Variants in DPH6 observed in about 807,000 individuals in gnomAD.
DPH6 encodes the protein diphthine--ammonia ligase.
Under a neutral mutation model 38.2 loss-of-function variants are expected in DPH6, and 33 were observed. That is an observed-to-expected ratio of 0.86 (90% CI 0.65 to 1.15). The LOEUF (loss-of-function observed/expected upper bound fraction) is 1.15. DPH6 is among the 50% of genes most tolerant of loss of function. The pLI is 0.00. For missense variants in DPH6, 325 were observed against 320.0 expected (o/e 1.02, Z -0.12); for synonymous variants, 108 against 103.0 (o/e 1.05, Z -0.30).
chr15:35,529,342 A>G (rs1022494111), intron 3 of DPH6, among the ~76,000 whole-genome samples: 2 of 152,098 alleles, frequency 1.3e-5, no homozygotes, highest in African/African-American at 4.8e-5. Flanking sequence ...GGTGCTAAAC[A>G]CTTTCAAACA....
chr15:35,468,914 G>A (rs1254143458), intron 3 of DPH6, among the ~76,000 whole-genome samples: 3 of 152,000 alleles, frequency 2.0e-5, no homozygotes, highest in Non-Finnish European at 2.9e-5. Flanking sequence ...CTAAAAGTAC[G>A]AAAATTAGCT....
intron 3 of DPH6, among the ~76,000 whole-genome samples, chr15:35,287,307 G>A (rs2051949966): frequency 6.6e-6 from 1 of 152,120 alleles, no homozygotes; most frequent in South Asian, 2.1e-4. Flanking sequence ...TTACAGACAG[G>A]AGGGCAAGTT....
chr15:35,284,801 A>ATT (rs71123127), intron 3 of DPH6, among the ~76,000 whole-genome samples: 7,045 of 79,164 alleles, frequency 0.089, 1,061 homozygotes, highest in East Asian at 0.11. Flanking sequence ...AAGTCTCCAA[A>ATT]TTTTTTTTTT....
chr15:35,233,125 T>G (rs1042768167), intron 3 of DPH6, among the ~76,000 whole-genome samples: 3 of 152,116 alleles, frequency 2.0e-5, no homozygotes, highest in African/African-American at 7.2e-5. Context: ...CTGGCCAATG[T>G]GGTGAAACCC....
At chr15:35,293,296 T>A (rs2051991770) in intron 3 of DPH6, among the ~76,000 whole-genome samples, 1 of 152,238 alleles carries the variant, frequency 6.6e-6, no homozygotes, top group African/African-American at 2.4e-5. Context: ...CTCTTTCTCA[T>A]ATCTCATAAT....
chr15:35,546,038 C>T, intron 1 of DPH6, 81 bp downstream of exon 1: 2 of 1,226,928 alleles, frequency 1.6e-6, no homozygotes, highest in Admixed American at 3.6e-5. Flanking sequence ...ACGGAGACAC[C>T]CACTCTTTCG....
At chr15:35,232,367 G>A (rs967953843) in intron 3 of DPH6, among the ~76,000 whole-genome samples, 1 of 152,112 alleles carries the variant, frequency 6.6e-6, no homozygotes, top group Non-Finnish European at 1.5e-5. Flanking sequence ...GGATCATGAG[G>A]TCAGGAGTTC....
intron 3 of DPH6, among the ~76,000 whole-genome samples, chr15:35,461,355 G>T (rs2054064968): frequency 6.6e-6 from 1 of 152,202 alleles, no homozygotes; most frequent in African/African-American, 2.4e-5. Context: ...TTACAGGCAT[G>T]AGCTACTGTA....
rs549565759 is a variant in DPH6, at chr15:35,525,031, C to T, written c.312+13243G>A. Among the ~76,000 whole-genome samples the T allele has an allele frequency of 5.9e-4, 90 of 152,144 alleles. 1 individual carries two copies. Among genetic ancestry groups the T allele is most frequent in the African/African-American group, 2.0e-3 (84 of 41,486 alleles). On this transcript the variant is annotated intron_variant, in intron 3 of 8. Transcript: ENST00000256538. The stretch of plus-strand genomic sequence containing the variant: ...TGAATACTTCTTATGGACAGGGCAC[C>T]ATGATGAGCACTGAAGAGTATTCAA...
chr15:35,193,267 G>A, the DPH6 span, among the ~76,000 whole-genome samples: 1 of 151,836 alleles, frequency 6.6e-6, no homozygotes, highest in East Asian at 1.9e-4. Flanking sequence ...GAGAGAGAGG[G>A]ACATTAACTA....
chr15:35,278,434 G>C (rs1396256195), intron 3 of DPH6, among the ~76,000 whole-genome samples: 2 of 152,244 alleles, frequency 1.3e-5, no homozygotes, highest in African/African-American at 2.4e-5. Flanking sequence ...TAGGTGCCTG[G>C]GCAGAAGCCT....
Position 35,240,481 on chromosome 15 carries a change from C to T in DPH6, n.201-19899G>A, listed in dbSNP as rs1171790360. On this transcript the variant is annotated intron_variant and non_coding_transcript_variant, in intron 3 of 3. Transcript: ENST00000560386. ...TGCCAGCCCAAGCTAGGTCCCAATT[C>T]TTCCTCAGCCTCCGCTCCTCCACCC... 1.1e-4 allele frequency among the ~76,000 whole-genome samples: 16 copies of T among 142,650 alleles called. 3 individuals carry two copies. In the Admixed American group the frequency reaches 1.2e-3, roughly 11 times the overall value. The allele number at this position is 142,650 out of a possible 152,430, so 93.6% of individuals were successfully genotyped here. A position where few individuals can be genotyped will look rare whatever the true frequency, so the allele number is the denominator to read the frequency against.
chr15:35,284,110 G>A (rs888343114), intron 3 of DPH6, among the ~76,000 whole-genome samples: 2 of 152,130 alleles, frequency 1.3e-5, no homozygotes, highest in African/African-American at 4.8e-5. Context: ...AGTGTGATCT[G>A]ATCATCTTCC....
At chr15:35,477,939 T>A (rs1435084906) in intron 3 of DPH6, among the ~76,000 whole-genome samples, 1 of 151,958 alleles carries the variant, frequency 6.6e-6, no homozygotes, top group Admixed American at 6.6e-5. Context: ...CTACTGCTCC[T>A]TAAGATAACC....
At chr15:35,171,064 G>A in the DPH6 span, among the ~76,000 whole-genome samples, 84,103 of 152,104 alleles carry the variant, frequency 0.55, 25,398 homozygotes, top group Non-Finnish European at 0.69. Context: ...AGAGTCCTAT[G>A]TACATCAGAT....
chr15:35,381,996 A>T, intron 6 of DPH6, 80 bp from the exon 7 acceptor site: 2 of 1,005,436 alleles, frequency 2.0e-6, no homozygotes, highest in Middle Eastern at 2.3e-4. Context: ...GGTACTAAAA[A>T]ATCCATACAA....
At chr15:35,356,071 C>T (rs975515156) in intron 3 of DPH6, among the ~76,000 whole-genome samples, 9 of 152,112 alleles carry the variant, frequency 5.9e-5, no homozygotes, top group Non-Finnish European at 5.9e-5. Context: ...TCCAGTTGAT[C>T]GAATCGGTAT....
intron 3 of DPH6, among the ~76,000 whole-genome samples, chr15:35,532,734 A>G (rs2055106805): frequency 6.6e-6 from 1 of 152,042 alleles, no homozygotes; most frequent in Admixed American, 6.6e-5. Flanking sequence ...TTTAGCCCCA[A>G]TGTCCAACTG....
chr15:35,176,202 T>C, the DPH6 span, among the ~76,000 whole-genome samples: 1 of 152,264 alleles, frequency 6.6e-6, no homozygotes, highest in African/African-American at 2.4e-5. Context: ...TTATGTATAG[T>C]GTTGTGATGG....
Sources: gnomAD v4.1 joint callset for allele counts (sites outside exome capture counted in the v4.1 genomes callset) on GRCh38, gnomAD v4.1.1 for gene constraint, MANE v1.5 for transcripts, NCBI Gene and HGNC (gene_info 2026-07-23, HGNC 2026-07-21) for gene names.